SLC26A7: variants seen among roughly 807,000 people sequenced by gnomAD.
SLC26A7 encodes the protein anion exchange transporter.
A neutral mutation model predicts 82.5 loss-of-function variants in SLC26A7; 59 were observed. That is an observed-to-expected ratio of 0.72 (90% confidence interval 0.58 to 0.89). The LOEUF is 0.89. Ranked by LOEUF, SLC26A7 falls within the 40% of genes least tolerant of loss-of-function variation. SLC26A7 has a pLI of 0.00. For missense variants in SLC26A7, 820 were observed against 793.0 expected, an observed-to-expected ratio of 1.03 and a Z score of -0.41; for synonymous variants, 271 against 274.3, an observed-to-expected ratio of 0.99 and a Z score of 0.12.
intron 2 of SLC26A7, among the ~76,000 whole-genome samples, chr8:91,252,521 G>C (rs937685852): frequency 1.3e-5 from 2 of 151,774 alleles, no homozygotes; most frequent in African/African-American, 4.8e-5. Flanking sequence ...CCTGCTACCT[G>C]TCTGTCCTTC....
At chr8:91,326,855 T>G (rs1812944431) in intron 5 of SLC26A7, among the ~76,000 whole-genome samples, 1 of 152,176 alleles carries the variant, frequency 6.6e-6, no homozygotes, top group Non-Finnish European at 1.5e-5. Flanking sequence ...CTTTTCAGCT[T>G]CTTCTGGCTC....
At chr8:91,313,000 G>A (rs1477137780) in intron 4 of SLC26A7, among the ~76,000 whole-genome samples, 1 of 152,016 alleles carries the variant, frequency 6.6e-6, no homozygotes. Flanking sequence ...TTTTCACGAA[G>A]CCCAATTTGT....
intron 12 of SLC26A7, 95 bp from the exon 13 acceptor site, chr8:91,363,377 C>A: frequency 1.5e-6 from 1 of 669,138 alleles, no homozygotes; most frequent in Non-Finnish European, 2.6e-6. Flanking sequence ...ATCTCAGACA[C>A]ATTCTAGTTA....
chr8:91,259,348 C>A (rs1810896818), intron 2 of SLC26A7, among the ~76,000 whole-genome samples: 1 of 152,072 alleles, frequency 6.6e-6, no homozygotes, highest in Non-Finnish European at 1.5e-5. Context: ...CTACTTAACA[C>A]CTGCTGTTTT....
intron 2 of SLC26A7, among the ~76,000 whole-genome samples, chr8:91,236,737 G>A (rs977017923): frequency 5.3e-5 from 8 of 152,098 alleles, no homozygotes; most frequent in Admixed American, 4.6e-4. Flanking sequence ...TAGTTTAAAT[G>A]TGAGTGTCTG....
intron 15 of SLC26A7, among the ~76,000 whole-genome samples, chr8:91,370,063 A>G (rs965056748): frequency 6.6e-6 from 1 of 152,000 alleles, no homozygotes; most frequent in African/African-American, 2.4e-5. Flanking sequence ...AAACAGATTT[A>G]GCCATTTGGC....
rs1016484648 is a variant in SLC26A7 at position 91,275,322 on chromosome 8, A to G, written c.194-13814A>G. ...ATTATTTATTTTATTTTTTTGAGAC[A>G]GTGTCTTGCTTTGTTGCCCAGGCTG... On this transcript the variant is annotated intron_variant, in intron 2 of 18. Transcript: ENST00000276609. Among the ~76,000 whole-genome samples, 58 of 152,172 alleles carry G rather than the reference A, an allele frequency of 3.8e-4. 1 individual carries two copies. The highest frequency in any genetic ancestry group is 1.5e-5 in the Non-Finnish European group (1 of 68,016).
intron 2 of SLC26A7, among the ~76,000 whole-genome samples, chr8:91,274,026 C>A (rs1563654298): frequency 6.6e-6 from 1 of 152,080 alleles, no homozygotes; most frequent in Non-Finnish European, 1.5e-5. Flanking sequence ...GGATGTATCA[C>A]TTGAACAAGT....
chr8:91,393,867 T>G lies in SLC26A7; in HGVS notation c.1831+16T>G. The G allele has an allele frequency of 1.9e-6, 3 of 1,613,606 alleles. No homozygotes were observed. In the South Asian group the frequency reaches 3.3e-5, roughly 18 times the overall value. On this transcript the variant is annotated intron_variant, in intron 17 of 18. Transcript: ENST00000276609. ...CATTGTACAGGTAAGAGAATGTCCC[T>G]GACTAACGTTGAATGTGATTTTTCT...
At chr8:91,337,501 G>T (rs1005933304) in intron 6 of SLC26A7, among the ~76,000 whole-genome samples, 9 of 152,106 alleles carry the variant, frequency 5.9e-5, no homozygotes, top group Non-Finnish European at 1.0e-4. Flanking sequence ...TGTTAAAGAT[G>T]ATTATGGGTA....
intron 15 of SLC26A7, among the ~76,000 whole-genome samples, chr8:91,372,116 A>G (rs1261786500): frequency 6.6e-6 from 1 of 151,724 alleles, no homozygotes; most frequent in East Asian, 1.9e-4. Context: ...CAAATTCCTT[A>G]TAGATTCTAA....
At chr8:91,298,835 T>C (rs1178378711) in intron 4 of SLC26A7, among the ~76,000 whole-genome samples, 1 of 152,176 alleles carries the variant, frequency 6.6e-6, no homozygotes, top group Non-Finnish European at 1.5e-5. Flanking sequence ...CAAGATGAAT[T>C]CCTAGAATGA....
chr8:91,394,667 G>A (rs1808515697), intron 18 of SLC26A7: 2 of 1,106,074 alleles, frequency 1.8e-6, no homozygotes, highest in African/African-American at 1.6e-5. Context: ...AGAACAGTAT[G>A]TATTTACAAA....
intron 15 of SLC26A7, among the ~76,000 whole-genome samples, chr8:91,376,639 G>C (rs934040408): frequency 6.6e-6 from 1 of 152,122 alleles, no homozygotes; most frequent in Admixed American, 6.5e-5. Context: ...CACTATCACT[G>C]TGTCCTTCTG....
intron 5 of SLC26A7, among the ~76,000 whole-genome samples, chr8:91,324,337 G>C (rs1812877720): frequency 6.6e-6 from 1 of 152,202 alleles, no homozygotes; most frequent in African/African-American, 2.4e-5. Flanking sequence ...GTGTCCCTGA[G>C]CAGGAATTTA....
rs538968986 is a variant in SLC26A7 at position 91,358,479 on chromosome 8, G to A, written c.1315-3874G>A. Among the ~76,000 whole-genome samples the A allele has an allele frequency of 4.6e-5, 7 of 151,832 alleles. No homozygotes were observed. The South Asian group carries it at 6.2e-4, about 14-fold the overall frequency. On this transcript the variant is annotated intron_variant, in intron 11 of 18. Transcript: ENST00000276609. Reference sequence around the variant, plus strand: ...CAAGTAGCTGGGACTACAGGTGCCCGCCACCAGGCCTGGCTAATTTTTTTG... The same window carrying A: ...CAAGTAGCTGGGACTACAGGTGCCCACCACCAGGCCTGGCTAATTTTTTTG...
chr8:91,350,746 A>G (rs192630546), intron 9 of SLC26A7, among the ~76,000 whole-genome samples: 1 of 152,156 alleles, frequency 6.6e-6, no homozygotes, highest in East Asian at 1.9e-4. Flanking sequence ...TTAGTTATTT[A>G]TGATTTTGGC....
intron 4 of SLC26A7, among the ~76,000 whole-genome samples, chr8:91,315,246 T>C (rs779953689): frequency 2.6e-5 from 4 of 152,236 alleles, no homozygotes; most frequent in Non-Finnish European, 5.9e-5. Flanking sequence ...ATTACTTGTA[T>C]TCTACATTTA....
intron 2 of SLC26A7, among the ~76,000 whole-genome samples, chr8:91,228,927 A>C (rs996742646): frequency 3.3e-5 from 5 of 152,246 alleles, no homozygotes; most frequent in African/African-American, 1.2e-4. Context: ...ATATCTCACC[A>C]AAAGATTTTC....
Sources: allele counts gnomAD v4.1 joint callset (sites outside exome capture counted in the v4.1 genomes callset), GRCh38; gene constraint gnomAD v4.1.1; transcripts MANE v1.5; gene names NCBI Gene and HGNC (gene_info 2026-07-23, HGNC 2026-07-21).